PAX2: variants seen among roughly 807,000 people sequenced by gnomAD.
PAX2 encodes paired box protein Pax-2.
PAX2 carries 9 observed loss-of-function variants against 41.7 expected under a neutral mutation model. That is an observed-to-expected ratio of 0.22 (90% CI 0.13 to 0.38). PAX2 has a LOEUF of 0.38. Ranked by LOEUF, PAX2 falls within the 10% of genes least tolerant of loss-of-function variation. PAX2 has a pLI of 1.00. For synonymous variants in PAX2, 221 were observed against 212.7 expected (o/e 1.04, Z -0.34); for missense variants, 418 against 531.6 (o/e 0.79, Z 2.10).
intron 3 of PAX2, among the ~76,000 whole-genome samples, chr10:100,773,383 G>A (rs1015334595): frequency 1.3e-5 from 2 of 152,154 alleles, no homozygotes; most frequent in African/African-American, 4.8e-5. Flanking sequence ...AAGGTGAGCT[G>A]TCTGAGGTCA....
chr10:100,739,773 G>A (rs770913119), intron 1 of PAX2, among the ~76,000 whole-genome samples: 9 of 152,228 alleles, frequency 5.9e-5, no homozygotes, highest in Non-Finnish European at 1.3e-4. Flanking sequence ...GGGTCAGCCT[G>A]CACCGTCTCC....
Position 100,748,088 on chromosome 10 carries a change from G to C in PAX2, c.44-1658G>C, listed in dbSNP as rs1193135889. The C allele has an allele frequency of 2.2e-5, 22 of 984,894 alleles. No homozygotes were observed. Among genetic ancestry groups the C allele is most frequent in the Non-Finnish European group, 2.3e-5 (19 of 829,880 alleles). 61.0% of individuals were successfully genotyped at this position (984,894 alleles called of 1,614,324 possible). A position where few individuals can be genotyped will look rare whatever the true frequency, so the allele number is the denominator to read the frequency against. On this transcript the variant is annotated intron_variant, in intron 1 of 9. Transcript: ENST00000355243. The surrounding 1 kb of genome is among the most constrained non-coding windows in gnomAD (Gnocchi z 5.0). ...CGCATTCCAGGCCCGACTCAGCGCC[G>C]ACTCGCTGCAGTCCCCCAGCCCTGG...
intron 3 of PAX2, among the ~76,000 whole-genome samples, chr10:100,754,417 G>T (rs1412507429): frequency 6.6e-6 from 1 of 152,158 alleles, no homozygotes; most frequent in Admixed American, 6.5e-5. Flanking sequence ...GGCACTCTCT[G>T]CCCCTAGATC....
intron 6 of PAX2, among the ~76,000 whole-genome samples, chr10:100,808,700 GAA>G (rs1437835257): frequency 1.3e-5 from 2 of 152,158 alleles, no homozygotes; most frequent in Non-Finnish European, 2.9e-5. Context: ...GTGCCAGGCT[GAA>G]GGCCCCACTA....
intron 3 of PAX2, among the ~76,000 whole-genome samples, chr10:100,766,592 T>C (rs1378996482): frequency 6.6e-6 from 1 of 152,230 alleles, no homozygotes; most frequent in East Asian, 1.9e-4. Context: ...CTGTTCTCGT[T>C]TGGTAAAGTC....
chr10:100,772,594 G>C (rs1021641573), intron 3 of PAX2, among the ~76,000 whole-genome samples: 1 of 152,192 alleles, frequency 6.6e-6, no homozygotes, highest in African/African-American at 2.4e-5. Flanking sequence ...CTACCCTGGA[G>C]TGCCTTTGAT....
intron 3 of PAX2, among the ~76,000 whole-genome samples, chr10:100,765,800 CACAT>C (rs1846001311): frequency 6.7e-6 from 1 of 150,098 alleles, no homozygotes; most frequent in Non-Finnish European, 1.5e-5. Flanking sequence ...CACACACACA[CACAT>C]ACACCTCTTA....
intron 3 of PAX2, among the ~76,000 whole-genome samples, chr10:100,774,021 G>A (rs1360661570): frequency 6.6e-6 from 1 of 152,164 alleles, no homozygotes; most frequent in Non-Finnish European, 1.5e-5. Context: ...AGGGGAAGTG[G>A]AGAGAGGAGC....
At chr10:100,781,980 G>A (rs1846648663) in intron 5 of PAX2, among the ~76,000 whole-genome samples, 1 of 152,172 alleles carries the variant, frequency 6.6e-6, no homozygotes, top group African/African-American at 2.4e-5. Context: ...GGGGAAGGAA[G>A]AGGAGGAGGA....
chr10:100,784,405 G>A (rs1192944606), intron 5 of PAX2, among the ~76,000 whole-genome samples: 8 of 152,192 alleles, frequency 5.3e-5, no homozygotes, highest in Non-Finnish European at 1.2e-4. Context: ...AGAGGGAATG[G>A]AGGGGCTCAT....
In PAX2 at chr10:100,826,991, T is replaced by A. The variant is rs1429796359; in HGVS notation, c.1022-18T>A. ...TGGCTTGCAGGCGTCTGATCCCCACTCCCCGACCCTCCCGCAGGGAGCGAG... is the reference window on the plus strand; with the variant it reads ...TGGCTTGCAGGCGTCTGATCCCCACACCCCGACCCTCCCGCAGGGAGCGAG... On this transcript the variant is annotated intron_variant, in intron 8 of 9. Coordinates refer to ENST00000355243, the MANE Select transcript of PAX2 (RefSeq NM_000278.5). The surrounding 1 kb of genome is among the most constrained non-coding windows in gnomAD (Gnocchi z 5.5). The A allele has an allele frequency of 6.3e-7, 1 of 1,594,258 alleles. No homozygotes were observed. Among genetic ancestry groups the A allele is most frequent in the Admixed American group, 1.7e-5 (1 of 59,982 alleles).
chr10:100,809,076 AAT>A, intron 6 of PAX2, 32 bp from the exon 7 acceptor site: 2 of 1,608,328 alleles, frequency 1.2e-6, no homozygotes, highest in Non-Finnish European at 1.7e-6. Flanking sequence ...TGCGTGCATC[AAT>A]AGAGAGCTGT....
At position 100,793,223 on chromosome 10, in the gene PAX2, C is replaced by T. The variant is rs969534015; in HGVS notation, c.616+11858C>T. ...AAGGGCTAGGGTCCCAGGAGCTAGA[C>T]GCTCAGTGAGCCCTCCTTCCCCACC... is the stretch of plus-strand genomic sequence containing the variant. On this transcript the variant is annotated intron_variant, in intron 5 of 9. Transcript: ENST00000355243. Among the ~76,000 whole-genome samples the T allele has an allele frequency of 5.3e-5, 8 of 152,228 alleles. No individual in the cohort carries two copies. In the East Asian group the frequency reaches 5.8e-4, roughly 11 times the overall value.
chr10:100,753,850 C>T (rs894542661), intron 3 of PAX2, among the ~76,000 whole-genome samples: 2 of 152,236 alleles, frequency 1.3e-5, no homozygotes, highest in African/African-American at 4.8e-5. Flanking sequence ...AGCCTGTATT[C>T]TCCACTAGCA....
intron 7 of PAX2, among the ~76,000 whole-genome samples, chr10:100,813,719 C>G (rs1409137001): frequency 1.3e-5 from 2 of 152,152 alleles, no homozygotes; most frequent in Admixed American, 6.5e-5. Context: ...CAAATTTATA[C>G]CATGAGTATG....
intron 7 of PAX2, 152 bp downstream of exon 7, chr10:100,809,388 G>A: frequency 2.6e-6 from 2 of 774,902 alleles, no homozygotes; most frequent in South Asian, 3.2e-5. Flanking sequence ...CCTGAACAGG[G>A]GTGTGCAGAT....
intron 3 of PAX2, among the ~76,000 whole-genome samples, chr10:100,753,059 C>T (rs760672956): frequency 8.5e-5 from 13 of 152,270 alleles, no homozygotes; most frequent in African/African-American, 2.4e-4. Context: ...CACAGGCTTC[C>T]TTTGGGTGTG....
chr10:100,804,965 TTCTCTCTCTCCTTCTCTCTCTC>T (rs1248407852), intron 5 of PAX2, among the ~76,000 whole-genome samples: 8 of 64,680 alleles, frequency 1.2e-4, no homozygotes, highest in Non-Finnish European at 1.7e-4. Context: ...CTCCCTCTCT[TTCTCTCTCTCCTTCTCTCTCTC>T]TCTCTCTCTC....
At chr10:100,781,408 T>C in intron 5 of PAX2, 43 bp downstream of exon 5, 1 of 1,611,242 alleles carries the variant, frequency 6.2e-7, no homozygotes. Context: ...TCACATGCTT[T>C]GTCCTTGGAC....
Sources: gnomAD v4.1 joint callset for allele counts (sites outside exome capture counted in the v4.1 genomes callset) on GRCh38, gnomAD v4.1.1 for gene constraint, Gnocchi (gnomAD v3.1) non-coding constraint, MANE v1.5 for transcripts, NCBI Gene and HGNC (gene_info 2026-07-23, HGNC 2026-07-21) for gene names.